The following TRAPPC9 variants were observed in gnomAD, a reference collection of about 807,000 sequenced individuals.
The protein encoded by TRAPPC9 is IKK2 binding protein.
TRAPPC9 carries 83 observed loss-of-function variants against 124.0 expected under a neutral mutation model. The observed-to-expected ratio is 0.67, with a 90% CI of 0.56 to 0.80. TRAPPC9 has a LOEUF of 0.80. TRAPPC9 is among the 30% of genes least tolerant of loss of function. The pLI is 0.00. For missense variants in TRAPPC9, 1,302 were observed against 1,508.3 expected, an observed-to-expected ratio of 0.86 and a Z score of 2.27; for synonymous variants, 638 against 617.5, an observed-to-expected ratio of 1.03 and a Z score of -0.49.
intron 5 of TRAPPC9, among the ~76,000 whole-genome samples, chr8:140,408,490 T>A (rs2069578395): frequency 1.3e-5 from 2 of 151,374 alleles, no homozygotes. Context: ...TTGAGAAAGG[T>A]TTGCCTTTCT....
At chr8:140,351,041 G>C (rs941579893) in intron 9 of TRAPPC9, among the ~76,000 whole-genome samples, 2 of 151,768 alleles carry the variant, frequency 1.3e-5, no homozygotes, top group African/African-American at 4.8e-5. Context: ...GCAGAAGCAG[G>C]CTGGCTGGGC....
chr8:139,937,345 G>A (rs925115820), intron 19 of TRAPPC9, among the ~76,000 whole-genome samples: 5 of 152,190 alleles, frequency 3.3e-5, no homozygotes, highest in Non-Finnish European at 2.9e-5. Flanking sequence ...CTCTCTGGAT[G>A]CTGGGATTCC....
chr8:140,352,590 C>A (rs970362164), intron 9 of TRAPPC9, among the ~76,000 whole-genome samples: 2 of 152,166 alleles, frequency 1.3e-5, no homozygotes, highest in African/African-American at 4.8e-5. Context: ...AAACAGCATG[C>A]ACTGAATCCC....
chr8:140,376,466 G>A (rs1240645946), intron 7 of TRAPPC9, among the ~76,000 whole-genome samples: 1 of 148,022 alleles, frequency 6.8e-6, no homozygotes, highest in African/African-American at 2.5e-5. Flanking sequence ...TGAGGCAGGA[G>A]AATGGCGTGA....
At chr8:140,253,050 T>C in intron 15 of TRAPPC9, 121 bp from the exon 16 acceptor site, 1 of 994,618 alleles carries the variant, frequency 1.0e-6, no homozygotes, top group Non-Finnish European at 1.5e-6. Context: ...GCTTTTAAAA[T>C]GTGTAAGATC....
intron 17 of TRAPPC9, among the ~76,000 whole-genome samples, chr8:140,154,708 A>G (rs2061600282): frequency 6.6e-6 from 1 of 152,140 alleles, no homozygotes; most frequent in South Asian, 2.1e-4. Context: ...ATGAAATCAC[A>G]TCCCTTTTCT....
chr8:139,832,701 G>A (rs538194265), intron 21 of TRAPPC9, among the ~76,000 whole-genome samples: 2 of 152,174 alleles, frequency 1.3e-5, no homozygotes, highest in African/African-American at 4.8e-5. Context: ...CTTCTCTTCC[G>A]CCTCATGAGC....
intron 13 of TRAPPC9, among the ~76,000 whole-genome samples, chr8:140,287,333 G>C (rs373429690): frequency 2.6e-5 from 4 of 152,104 alleles, no homozygotes; most frequent in African/African-American, 7.2e-5. Flanking sequence ...CAGGAGGAAG[G>C]AAGGCTCACT....
chr8:140,136,288 G>A (rs539931574), intron 17 of TRAPPC9, among the ~76,000 whole-genome samples: 3 of 152,168 alleles, frequency 2.0e-5, no homozygotes, highest in Non-Finnish European at 2.9e-5. Flanking sequence ...ACCATCAGGG[G>A]ATCCGGGTGT....
rs916624853 is a variant in TRAPPC9 at position 140,182,162 on chromosome 8, TG to T, written c.2556+39296del. Among the ~76,000 whole-genome samples, 1 of 152,220 alleles carries T rather than the reference TG, an allele frequency of 6.6e-6. No homozygotes were observed. Among genetic ancestry groups the T allele is most frequent in the African/African-American group, 2.4e-5 (1 of 41,460 alleles). On this transcript the variant is annotated intron_variant, in intron 17 of 22. Transcript: ENST00000438773. The surrounding 1 kb of genome is among the most constrained non-coding windows in gnomAD (Gnocchi z 4.0). The stretch of plus-strand genomic sequence containing the variant: ...TAGTTTCTGTTAATCACTCAGATTT[TG>T]AATTTCCTCTTTGCTTCAGGTACCC...
At chr8:139,746,840 C>A (rs984143083) in intron 21 of TRAPPC9, among the ~76,000 whole-genome samples, 1 of 152,234 alleles carries the variant, frequency 6.6e-6, no homozygotes, top group Non-Finnish European at 1.5e-5. Flanking sequence ...CAGACAGGCA[C>A]TGGGCCTCTA....
At chr8:140,358,325 C>T (rs548058268) in intron 9 of TRAPPC9, among the ~76,000 whole-genome samples, 5 of 152,290 alleles carry the variant, frequency 3.3e-5, no homozygotes, top group African/African-American at 1.2e-4. Flanking sequence ...CCTGCCTCAG[C>T]CTCCTTAGTA....
chr8:139,848,414 G>A (rs186952409), intron 21 of TRAPPC9, among the ~76,000 whole-genome samples: 8 of 152,210 alleles, frequency 5.3e-5, no homozygotes, highest in East Asian at 3.9e-4. Flanking sequence ...CATATCACAC[G>A]GTGATAGATT....
intron 18 of TRAPPC9, among the ~76,000 whole-genome samples, chr8:140,009,487 C>A (rs1383311465): frequency 6.6e-6 from 1 of 152,168 alleles, no homozygotes; most frequent in African/African-American, 2.4e-5. Context: ...AACCTGTCCC[C>A]CTACCATCTT....
At chr8:139,936,996 A>T (rs1183358023) in intron 19 of TRAPPC9, among the ~76,000 whole-genome samples, 37 of 122,212 alleles carry the variant, frequency 3.0e-4, no homozygotes, top group African/African-American at 1.2e-3. Context: ...TAAAGCATGG[A>T]GAGAGTGGGG....
At chr8:140,423,616 TATATACACATATACATA>T (rs1399222250) in intron 5 of TRAPPC9, among the ~76,000 whole-genome samples, 8 of 117,938 alleles carry the variant, frequency 6.8e-5, no homozygotes, top group African/African-American at 2.7e-4. Flanking sequence ...ACACATCACA[TATATACACATATACATA>T]CACATATATA....
At chr8:139,792,683 G>A (rs1324023763) in intron 21 of TRAPPC9, among the ~76,000 whole-genome samples, 3 of 152,236 alleles carry the variant, frequency 2.0e-5, no homozygotes, top group Non-Finnish European at 4.4e-5. Context: ...CACTGCACAA[G>A]GAAGGAAGCA....
intron 9 of TRAPPC9, among the ~76,000 whole-genome samples, chr8:140,337,918 C>T (rs2067087762): frequency 6.6e-6 from 1 of 151,678 alleles, no homozygotes; most frequent in Admixed American, 6.6e-5. Flanking sequence ...CAGGCTGGAC[C>T]CCAGTGGACT....
At chr8:140,316,801 T>C (rs569580351) in intron 9 of TRAPPC9, among the ~76,000 whole-genome samples, 4 of 152,284 alleles carry the variant, frequency 2.6e-5, no homozygotes, top group African/African-American at 7.2e-5. Flanking sequence ...TTGAGAAAAA[T>C]TGGTACTAGT....
Sources: allele counts gnomAD v4.1 joint callset (sites outside exome capture counted in the v4.1 genomes callset), GRCh38; gene constraint gnomAD v4.1.1; non-coding constraint Gnocchi (gnomAD v3.1); transcripts MANE v1.5; gene names NCBI Gene and HGNC (gene_info 2026-07-23, HGNC 2026-07-21).